The following MARK1 variants were observed in gnomAD, a reference collection of about 807,000 sequenced individuals.
The protein encoded by MARK1 is serine/threonine-protein kinase MARK1.
A neutral mutation model predicts 96.3 loss-of-function variants in MARK1; 40 were observed. The ratio of observed to expected loss-of-function variants is 0.42; its 90% CI spans 0.32 to 0.54. The LOEUF (loss-of-function observed/expected upper bound fraction) is 0.54. MARK1 is among the 20% of genes least tolerant of loss of function. The pLI is 0.16. For missense variants in MARK1, 719 were observed against 984.6 expected, an observed-to-expected ratio of 0.73 and a Z score of 3.61; for synonymous variants, 317 against 341.2, an observed-to-expected ratio of 0.93 and a Z score of 0.78.
chr1:220,535,824 A>G (rs1472731350), intron 1 of MARK1, among the ~76,000 whole-genome samples: 2 of 152,136 alleles, frequency 1.3e-5, no homozygotes, highest in Non-Finnish European at 2.9e-5. Context: ...TTGACTGTGT[A>G]TGCATGGGTT....
intron 7 of MARK1, among the ~76,000 whole-genome samples, chr1:220,616,515 G>A (rs1666758797): frequency 6.6e-6 from 1 of 152,132 alleles, no homozygotes; most frequent in Non-Finnish European, 1.5e-5. Flanking sequence ...GAAACACCCT[G>A]GACTAAAATG....
chr1:220,586,011 A>ACACACACACACGCACGCACGCG (rs112968910), intron 3 of MARK1, among the ~76,000 whole-genome samples: 3 of 148,536 alleles, frequency 2.0e-5, no homozygotes, highest in Non-Finnish European at 3.0e-5. Context: ...ACACACACAC[A>ACACACACACACGCACGCACGCG]CGCGCGCGTG....
chr1:220,659,286 G>T (rs921966917), intron 17 of MARK1, among the ~76,000 whole-genome samples: 1 of 150,834 alleles, frequency 6.6e-6, no homozygotes, highest in South Asian at 2.1e-4. Context: ...TTTTACAGAT[G>T]AAAAAAAACA....
intron 1 of MARK1, among the ~76,000 whole-genome samples, chr1:220,574,383 T>G (rs888851549): frequency 6.6e-6 from 1 of 152,252 alleles, no homozygotes; most frequent in Non-Finnish European, 1.5e-5. Context: ...GCAATTAATA[T>G]ACAAATTTCA....
chr1:220,651,676 A>G (rs1350784063), intron 14 of MARK1, among the ~76,000 whole-genome samples: 2 of 152,240 alleles, frequency 1.3e-5, no homozygotes, highest in Admixed American at 6.5e-5. Context: ...GACTCCAGTC[A>G]TAATAATTTT....
intron 13 of MARK1, among the ~76,000 whole-genome samples, chr1:220,648,948 A>C (rs751689846): frequency 7.9e-5 from 12 of 152,208 alleles, no homozygotes; most frequent in Non-Finnish European, 1.8e-4. Context: ...TAAAGTAGGA[A>C]ATAATTTAAG....
At chr1:220,625,266 T>C (rs927196172) in intron 9 of MARK1, among the ~76,000 whole-genome samples, 6 of 152,070 alleles carry the variant, frequency 3.9e-5, no homozygotes, top group Non-Finnish European at 7.4e-5. Context: ...ATAAGCAGAG[T>C]TCCATGGGAG....
chr1:220,535,155 C>T (rs1034966064), intron 1 of MARK1, among the ~76,000 whole-genome samples: 43 of 152,048 alleles, frequency 2.8e-4, no homozygotes, highest in Non-Finnish European at 5.9e-5. Flanking sequence ...ATAGCAGCTG[C>T]AGCATTTTAC....
Position 220,528,595 on chromosome 1 carries a change from T to G in MARK1, c.-228T>G. The G allele has an allele frequency of 2.1e-6, 1 of 485,630 alleles. No individual in the cohort carries two copies. Among genetic ancestry groups the G allele is most frequent in the Non-Finnish European group, 3.6e-6 (1 of 276,592 alleles). The allele number at this position is 485,630 out of a possible 1,614,324, so 30.1% of individuals were successfully genotyped here. On this transcript the variant is annotated 5_prime_UTR_variant, in exon 1 of 18. Coordinates refer to ENST00000366917, the MANE Select transcript of MARK1 (RefSeq NM_018650.5). Reference sequence around the variant, plus strand: ...CGCCCGAAGCCCTCCCTCGTTACTGTCCGCATACCCCGGCGGCGCCGCCGC... The same window carrying G: ...CGCCCGAAGCCCTCCCTCGTTACTGGCCGCATACCCCGGCGGCGCCGCCGC...
At chr1:220,600,346 A>G (rs1665657586) in intron 5 of MARK1, among the ~76,000 whole-genome samples, 1 of 152,208 alleles carries the variant, frequency 6.6e-6, no homozygotes, top group African/African-American at 2.4e-5. Flanking sequence ...TTCAATTTAA[A>G]CAAGTATTGA....
intron 7 of MARK1, among the ~76,000 whole-genome samples, chr1:220,617,889 A>G (rs1324535341): frequency 1.3e-5 from 2 of 152,150 alleles, no homozygotes; most frequent in African/African-American, 2.4e-5. Context: ...TTTAACCAAC[A>G]ATACCCTATT....
At chr1:220,627,529 T>C (rs1398026865) in intron 9 of MARK1, 1 of 362,636 alleles carries the variant, frequency 2.8e-6, no homozygotes, top group Non-Finnish European at 5.5e-6. Flanking sequence ...TTTCTATTTC[T>C]CTGTGTATTT....
chr1:220,569,900 A>G (rs763838599), intron 1 of MARK1, among the ~76,000 whole-genome samples: 2 of 152,112 alleles, frequency 1.3e-5, no homozygotes, highest in Non-Finnish European at 2.9e-5. Flanking sequence ...AAGTAAGTGG[A>G]AAAATGTTCC....
chr1:220,655,844 G>A (rs111289014), intron 16 of MARK1, among the ~76,000 whole-genome samples: 11 of 152,224 alleles, frequency 7.2e-5, no homozygotes, highest in African/African-American at 2.6e-4. Context: ...GGGGCCTTGT[G>A]TAACCTGGCC....
At chr1:220,579,277 AATT>A in intron 1 of MARK1, 74 bp from the exon 2 acceptor site, 2 of 952,202 alleles carry the variant, frequency 2.1e-6, no homozygotes, top group Admixed American at 2.2e-5. Context: ...TGGTAATAAT[AATT>A]ATTTGTACTC....
chr1:220,591,149 T>C, intron 3 of MARK1, among the ~76,000 whole-genome samples: 1 of 152,152 alleles, frequency 6.6e-6, no homozygotes, highest in Non-Finnish European at 1.5e-5. Context: ...CAGGTACCAG[T>C]CAGGGATTGA....
In MARK1 at chr1:220,653,276, A is replaced by C. The variant is rs1292703678; in HGVS notation, c.1912A>C (p.Thr638Pro). Residue 638 changes from threonine (T) to proline (P), a missense_variant, in exon 16 of 18, where the codon ACG becomes CCG. Around this residue, in one of 4 missense-constraint regions of MARK1, gnomAD observed 501 missense variants for 588.3 expected, o/e 0.85. Coordinates refer to ENST00000366917, the MANE Select transcript of MARK1 (RefSeq NM_018650.5). ...GCCACCTGCTTCACCATCCCATGAA[A>C]CGGGTGCATTTGCACATGCCAGAAG... The part of the protein sequence containing the change: ...NGPPASPSHE[T>P]GAFAHARRGT... 1 of 1,614,098 alleles carries C rather than the reference A, an allele frequency of 6.2e-7. No individual in the cohort carries two copies. The highest frequency in any genetic ancestry group is 2.2e-5 in the East Asian group (1 of 44,898).
At chr1:220,583,621 G>A (rs184968148) in intron 3 of MARK1, among the ~76,000 whole-genome samples, 16 of 151,312 alleles carry the variant, frequency 1.1e-4, no homozygotes, top group African/African-American at 3.6e-4. Context: ...TTTAGAAGAG[G>A]GTCCATGAAC....
At chr1:220,601,305 T>A (rs1665732212) in intron 5 of MARK1, among the ~76,000 whole-genome samples, 1 of 151,974 alleles carries the variant, frequency 6.6e-6, no homozygotes, top group Non-Finnish European at 1.5e-5. Context: ...AGTCTTTTTT[T>A]TTTTTTTGCA....
Sources: allele counts gnomAD v4.1 joint callset (sites outside exome capture counted in the v4.1 genomes callset), GRCh38; gene constraint gnomAD v4.1.1; regional missense constraint gnomAD v4.1.1; transcripts MANE v1.5; gene names NCBI Gene and HGNC (gene_info 2026-07-23, HGNC 2026-07-21).